Variants in RUVBL1 observed in about 807,000 individuals in gnomAD.
RUVBL1 encodes the protein ruvB-like 1.
RUVBL1 carries 4 observed loss-of-function variants against 52.4 expected under a neutral mutation model. The observed-to-expected ratio is 0.08, with a 90% CI of 0.04 to 0.17. The LOEUF (loss-of-function observed/expected upper bound fraction) is 0.17. Among genes scored for constraint, RUVBL1 ranks in the 10% least tolerant of loss-of-function variants. RUVBL1 has a pLI of 1.00. For missense variants in RUVBL1, 298 were observed against 572.8 expected (o/e 0.52, Z 4.90); for synonymous variants, 217 against 214.4 (o/e 1.01, Z -0.10).
chr3:128,102,944 C>T (rs537219906), intron 4 of RUVBL1, among the ~76,000 whole-genome samples: 116 of 152,278 alleles, frequency 7.6e-4, no homozygotes, highest in Non-Finnish European at 1.3e-3. Flanking sequence ...TGAGTCTGTG[C>T]GCCTAAGGAC....
intron 1 of RUVBL1, among the ~76,000 whole-genome samples, chr3:128,139,258 C>A (rs1307251006): frequency 6.6e-6 from 1 of 152,096 alleles, no homozygotes; most frequent in Admixed American, 6.6e-5. Flanking sequence ...GAAGAGACAA[C>A]CCACAGAATG....
chr3:128,065,298 G>A lies in RUVBL1; in HGVS notation c.940-78C>T, dbSNP rs7636632. ...TCTTCTGGGTTGGGCCTATCGACAGGTAAGATACATTTTTAAGTTCTTAGT... is the reference window on the plus strand; with the variant it reads ...TCTTCTGGGTTGGGCCTATCGACAGATAAGATACATTTTTAAGTTCTTAGT... On this transcript the variant is annotated intron_variant, in intron 9 of 9. Transcript: ENST00000464873. 3,373 of 596,692 alleles carry A rather than the reference G, an allele frequency of 5.7e-3. 79 individuals are homozygous for A. Among genetic ancestry groups the A allele is most frequent in the African/African-American group, 0.056 (3,010 of 53,938 alleles). 37.0% of individuals were successfully genotyped at this position (596,692 alleles called of 1,614,324 possible). A position where few individuals can be genotyped will look rare whatever the true frequency, so the allele number is the denominator to read the frequency against.
At chr3:128,077,174 C>A (rs1942359244), downstream of RUVBL1, among the ~76,000 whole-genome samples, 1 of 152,086 alleles carries the variant, frequency 6.6e-6, no homozygotes, top group Admixed American at 6.5e-5. Context: ...CACGGCCTGG[C>A]CATTAATCAC....
At chr3:128,097,639 G>T in intron 7 of RUVBL1, 141 bp from the exon 8 acceptor site, 1 of 713,002 alleles carries the variant, frequency 1.4e-6, no homozygotes, top group Non-Finnish European at 2.4e-6. Context: ...GACAGGGTGT[G>T]TCCCCACTCC....
chr3:128,116,603 C>A (rs1266267808), intron 2 of RUVBL1, among the ~76,000 whole-genome samples: 1 of 150,972 alleles, frequency 6.6e-6, no homozygotes, highest in African/African-American at 2.4e-5. Context: ...TTTTGATATT[C>A]TGGTGTTTTT....
At chr3:128,153,188 C>G in intron 1 of RUVBL1, 1 of 1,268,748 alleles carries the variant, frequency 7.9e-7, no homozygotes, top group Non-Finnish European at 9.9e-7. Flanking sequence ...AAAAGTTCTC[C>G]AAGTCTCCAC....
At chr3:128,108,931 G>A (rs1943310296) in intron 3 of RUVBL1, among the ~76,000 whole-genome samples, 1 of 152,180 alleles carries the variant, frequency 6.6e-6, no homozygotes, top group African/African-American at 2.4e-5. Context: ...TACAGATATA[G>A]ACGCTGAGCT....
At chr3:128,134,195 GCTTATGTCTGTAATCCCAGCA>G (rs1943917944) in intron 1 of RUVBL1, among the ~76,000 whole-genome samples, 1 of 152,132 alleles carries the variant, frequency 6.6e-6, no homozygotes, top group African/African-American at 2.4e-5. Flanking sequence ...AGGCGTAGTG[GCTTATGTCTGTAATCCCAGCA>G]CTTTGGGAGG....
chr3:128,135,565 G>GA (rs1230828692), intron 1 of RUVBL1, among the ~76,000 whole-genome samples: 1 of 152,062 alleles, frequency 6.6e-6, no homozygotes, highest in African/African-American at 2.4e-5. Context: ...AACTGCTGAA[G>GA]AAAAAATATT....
intron 1 of RUVBL1, among the ~76,000 whole-genome samples, chr3:128,152,265 A>G (rs1211473484): frequency 6.6e-6 from 1 of 152,128 alleles, no homozygotes; most frequent in Non-Finnish European, 1.5e-5. Flanking sequence ...TGTGCGTTCA[A>G]TTTAGAGGTT....
intron 9 of RUVBL1, chr3:128,065,383 G>A: frequency 1.8e-6 from 1 of 553,508 alleles, no homozygotes; most frequent in Non-Finnish European, 3.2e-6. Flanking sequence ...TAGAAAGTTT[G>A]TATGATATTT....
At chr3:128,065,201 T>C (rs1941927958) in exon 10 of RUVBL1, 2 of 809,030 alleles carry the variant, frequency 2.5e-6, no homozygotes, top group South Asian at 2.8e-5. Flanking sequence ...TGGACAAGCA[T>C]GTTCATTGAG....
chr3:128,069,171 T>C (rs1942076953), intron 9 of RUVBL1, among the ~76,000 whole-genome samples: 2 of 152,234 alleles, frequency 1.3e-5, no homozygotes, highest in South Asian at 4.1e-4. Context: ...ATTTCAACAT[T>C]ATAATTAATG....
chr3:128,073,458 A>G (rs577102229), intron 9 of RUVBL1, among the ~76,000 whole-genome samples: 5 of 152,292 alleles, frequency 3.3e-5, no homozygotes, highest in Non-Finnish European at 5.9e-5. Context: ...GGCCTGGGGA[A>G]GAGCAACGGA....
intron 7 of RUVBL1, 126 bp downstream of exon 7, chr3:128,098,756 T>C: frequency 1.3e-6 from 1 of 792,942 alleles, no homozygotes; most frequent in East Asian, 2.5e-5. Flanking sequence ...CTCTAAGCTA[T>C]GAGGAAGAAA....
At chr3:128,093,032 G>T (rs1432694715) in intron 8 of RUVBL1, among the ~76,000 whole-genome samples, 1 of 150,902 alleles carries the variant, frequency 6.6e-6, no homozygotes, top group African/African-American at 2.4e-5. Context: ...AAAAGAAAAA[G>T]AAAGAAAGAA....
intron 1 of RUVBL1, among the ~76,000 whole-genome samples, chr3:128,150,676 ATATATATTCTATATAT>A (rs1176900154): frequency 6.2e-5 from 8 of 128,726 alleles, no homozygotes; most frequent in South Asian, 4.6e-4. Flanking sequence ...CATATATTCT[ATATATATTCTATATAT>A]TATATATTCT....
chr3:128,129,213 T>C (rs1029646958), intron 1 of RUVBL1, among the ~76,000 whole-genome samples: 2 of 152,082 alleles, frequency 1.3e-5, no homozygotes, highest in Non-Finnish European at 1.5e-5. Flanking sequence ...AAATAATACA[T>C]AATACTTTTC....
chr3:128,132,953 C>T (rs1943901687), intron 1 of RUVBL1, among the ~76,000 whole-genome samples: 1 of 152,220 alleles, frequency 6.6e-6, no homozygotes, highest in African/African-American at 2.4e-5. Flanking sequence ...TTCCCAATTC[C>T]AGGCCTTAGC....
Sources: allele counts gnomAD v4.1 joint callset (sites outside exome capture counted in the v4.1 genomes callset), GRCh38; gene constraint gnomAD v4.1.1; transcripts MANE v1.5; gene names NCBI Gene and HGNC (gene_info 2026-07-23, HGNC 2026-07-21).